The following LGR5 variants were observed in gnomAD, a reference collection of about 807,000 sequenced individuals.
The protein encoded by LGR5 is leucine rich repeat containing G protein-coupled receptor 5, also known as leucine-rich repeat-containing G protein-coupled receptor 5.
A neutral mutation model predicts 76.7 loss-of-function variants in LGR5; 54 were observed. That is an observed-to-expected ratio of 0.70 (90% CI 0.57 to 0.88). The LOEUF (loss-of-function observed/expected upper bound fraction) is 0.88. Among genes scored for constraint, LGR5 ranks in the 40% least tolerant of loss-of-function variants. LGR5 has a pLI of 0.00. For synonymous variants in LGR5, 406 were observed against 421.9 expected, an observed-to-expected ratio of 0.96 and a Z score of 0.46; for missense variants, 1,078 against 1,073.3, an observed-to-expected ratio of 1.00 and a Z score of -0.06.
At chr12:71,508,540 G>T (rs942189538) in intron 2 of LGR5, among the ~76,000 whole-genome samples, 1 of 152,052 alleles carries the variant, frequency 6.6e-6, no homozygotes, top group African/African-American at 2.4e-5. Context: ...TGGATCATGA[G>T]GTCAAGAGAT....
intron 2 of LGR5, among the ~76,000 whole-genome samples, chr12:71,507,544 A>G (rs1475419960): frequency 1.3e-5 from 2 of 152,352 alleles, no homozygotes; most frequent in Non-Finnish European, 2.9e-5. Context: ...ACTATCTATG[A>G]GAAAAGTATC....
intron 6 of LGR5, 96 bp from the exon 7 acceptor site, chr12:71,559,490 A>G: frequency 1.5e-6 from 1 of 688,776 alleles, no homozygotes; most frequent in Non-Finnish European, 2.6e-6. Context: ...CATTAGTCAT[A>G]TGGGTTCCTT....
At chr12:71,462,239 C>T (rs1457703243) in intron 1 of LGR5, among the ~76,000 whole-genome samples, 2 of 152,138 alleles carry the variant, frequency 1.3e-5, no homozygotes, top group Non-Finnish European at 2.9e-5. Context: ...CCCAGCTGTG[C>T]TCCAACAGCA....
rs747383391 is a variant in LGR5, at chr12:71,580,426, A to G, written c.1552+3A>G. On this transcript the variant is annotated splice_donor_region_variant and intron_variant, in intron 16 of 17. Transcript: ENST00000266674. ...TGCTGGAATGTTTCAGGCTCAAGGT[A>G]GGACTTGCTATGCCATGGTAATGAA... The G allele has an allele frequency of 1.2e-6, 2 of 1,610,942 alleles. No homozygotes were observed. Among genetic ancestry groups the G allele is most frequent in the Admixed American group, 3.4e-5 (2 of 59,418 alleles).
At chr12:71,443,956 T>C (rs1592447126) in intron 1 of LGR5, among the ~76,000 whole-genome samples, 2 of 152,208 alleles carry the variant, frequency 1.3e-5, no homozygotes, top group East Asian at 3.9e-4. Context: ...CTTTTTCATA[T>C]GTAACTTTGA....
chr12:71,583,971 T>C lies in LGR5; in HGVS notation c.1961T>C (p.Leu654Pro). The C allele has an allele frequency of 6.2e-7, 1 of 1,614,222 alleles. No individual in the cohort carries two copies. Among genetic ancestry groups the C allele is most frequent in the Non-Finnish European group, 8.5e-7 (1 of 1,180,030 alleles). The change falls in exon 18 of 18, where the codon CTG becomes CCG. Residue 654 changes from leucine to proline, a missense_variant. Physicochemically the swap from Leu to Pro is moderately conservative, Grantham distance 98. Coordinates refer to ENST00000266674, the MANE Select transcript of LGR5 (RefSeq NM_003667.4). ...TTTGCTTCAGAATCATCTGTTTTCC[T>C]GCTTACTCTGGCAGCCCTGGAGCGT... ...SIFASESSVF[L>P]LTLAALERGF...
chr12:71,578,524 G>T (rs1005858246), intron 14 of LGR5, among the ~76,000 whole-genome samples: 2 of 152,098 alleles, frequency 1.3e-5, no homozygotes, highest in Non-Finnish European at 2.9e-5. Context: ...ATTAAATATA[G>T]CACCTTCCCC....
chr12:71,468,209 G>A (rs564691546), intron 1 of LGR5, among the ~76,000 whole-genome samples: 1 of 152,250 alleles, frequency 6.6e-6, no homozygotes, highest in East Asian at 1.9e-4. Flanking sequence ...ATAAAATGTT[G>A]TCTGTTTTTA....
chr12:71,559,723 A>C, intron 7 of LGR5, 69 bp downstream of exon 7: 1 of 834,980 alleles, frequency 1.2e-6, no homozygotes, highest in Non-Finnish European at 2.0e-6. Context: ...AATACATGTG[A>C]TTGTTTTACA....
At chr12:71,463,663 GA>G (rs1872756381) in intron 1 of LGR5, among the ~76,000 whole-genome samples, 1 of 152,070 alleles carries the variant, frequency 6.6e-6, no homozygotes, top group South Asian at 2.1e-4. Flanking sequence ...GTAGCTTTGA[GA>G]CCAATTTACG....
intron 1 of LGR5, among the ~76,000 whole-genome samples, chr12:71,467,895 C>G (rs906035853): frequency 5.3e-5 from 8 of 152,050 alleles, no homozygotes; most frequent in African/African-American, 1.7e-4. Flanking sequence ...TTTCACAGAG[C>G]CTTATCTGAT....
chr12:71,504,292 T>C (rs535640951), intron 1 of LGR5, among the ~76,000 whole-genome samples: 1 of 152,094 alleles, frequency 6.6e-6, no homozygotes, highest in Non-Finnish European at 1.5e-5. Flanking sequence ...ATGTCTAGAG[T>C]TGAGTTATGT....
At chr12:71,478,306 C>T (rs933899400) in intron 1 of LGR5, among the ~76,000 whole-genome samples, 10 of 152,168 alleles carry the variant, frequency 6.6e-5, no homozygotes, top group African/African-American at 1.9e-4. Flanking sequence ...CTATGGCAGA[C>T]GTTAAGGAAA....
At chr12:71,439,740 C>G (rs577140397), upstream of LGR5, 2 of 269,334 alleles carry the variant, frequency 7.4e-6, no homozygotes, top group Admixed American at 1.1e-4. Flanking sequence ...GCTGACGTCA[C>G]TGGGCGCGCA....
intron 2 of LGR5, among the ~76,000 whole-genome samples, chr12:71,514,694 T>A (rs1012758368): frequency 6.6e-6 from 1 of 152,198 alleles, no homozygotes; most frequent in Non-Finnish European, 1.5e-5. Context: ...TCTTAGCCCA[T>A]GAACCTTGAA....
chr12:71,484,806 C>T (rs1392674987), intron 1 of LGR5, among the ~76,000 whole-genome samples: 2 of 152,128 alleles, frequency 1.3e-5, no homozygotes, highest in Non-Finnish European at 2.9e-5. Flanking sequence ...ATAAATAGGG[C>T]AGAGGAATGC....
At chr12:71,441,223 G>C (rs1871752186) in intron 1 of LGR5, among the ~76,000 whole-genome samples, 1 of 152,140 alleles carries the variant, frequency 6.6e-6, no homozygotes, top group Admixed American at 6.5e-5. Flanking sequence ...GAAGGTAACA[G>C]GTAGTTGGGT....
Position 71,584,481 on chromosome 12 carries a change from A to T in LGR5, c.2471A>T (p.Asn824Ile), listed in dbSNP as rs552062438. Residue 824 changes from asparagine to isoleucine, a missense_variant, in exon 18 of 18, where the codon AAT (asparagine) becomes ATT (isoleucine). Transcript: ENST00000266674. ...CLNPLLYILF[N>I]PHFKEDLVSL... ...AATCCCCTTCTCTACATCTTGTTCA[A>T]TCCTCACTTTAAGGAGGATCTGGTG... is the stretch of plus-strand genomic sequence containing the variant. The T allele has an allele frequency of 1.2e-6, 2 of 1,614,072 alleles. No individual in the cohort carries two copies. Among genetic ancestry groups the T allele is most frequent in the East Asian group, 4.5e-5 (2 of 44,876 alleles).
chr12:71,524,009 A>G (rs1411386195), intron 2 of LGR5, among the ~76,000 whole-genome samples: 3 of 152,236 alleles, frequency 2.0e-5, no homozygotes, highest in African/African-American at 4.8e-5. Context: ...GAAATATTCT[A>G]ATGTTTATCT....
Sources: gnomAD v4.1 joint callset for allele counts (sites outside exome capture counted in the v4.1 genomes callset) on GRCh38, gnomAD v4.1.1 for gene constraint, MANE v1.5 for transcripts, NCBI Gene and HGNC (gene_info 2026-07-23, HGNC 2026-07-21) for gene names.